Variants in IZUMO2 observed in about 807,000 individuals in gnomAD.
The protein encoded by IZUMO2 is izumo sperm-egg fusion protein 2.
A neutral mutation model predicts 31.2 loss-of-function variants in IZUMO2; 24 were observed. The ratio of observed to expected loss-of-function variants is 0.77; its 90% CI spans 0.56 to 1.08. The LOEUF (loss-of-function observed/expected upper bound fraction) is 1.08. Ranked by LOEUF, IZUMO2 falls within the 50% of genes least tolerant of loss-of-function variation. The pLI is 0.00. For missense variants in IZUMO2, 278 were observed against 274.0 expected, an observed-to-expected ratio of 1.01 and a Z score of -0.10; for synonymous variants, 144 against 117.3, an observed-to-expected ratio of 1.23 and a Z score of -1.47.
In IZUMO2 at chr19:50,154,610, T is replaced by A. The variant is rs2030150610; in HGVS notation, c.613A>T (p.Ile205Phe). ...GCAAGGATGACTCACGAGACCACGATGACCACGAAGACAAAGACAGCCAGA... is the reference window on the plus strand; with the variant it reads ...GCAAGGATGACTCACGAGACCACGAAGACCACGAAGACAAAGACAGCCAGA... ...VSLAVFVFVV[I>F]VVSACTYRQN... The change falls in exon 6 of 7, where the codon ATC (isoleucine) becomes TTC (phenylalanine). Residue 205 changes from isoleucine (I) to phenylalanine (F), a missense_variant. Coordinates refer to ENST00000293405, the MANE Select transcript of IZUMO2 (RefSeq NM_152358.3). 1 of 1,613,810 alleles carries A rather than the reference T, an allele frequency of 6.2e-7. No homozygotes were observed. Among genetic ancestry groups the A allele is most frequent in the Non-Finnish European group, 8.5e-7 (1 of 1,179,958 alleles).
intron 2 of IZUMO2, among the ~76,000 whole-genome samples, chr19:50,160,950 T>C (rs962835038): frequency 2.6e-4 from 40 of 152,182 alleles, no homozygotes; most frequent in African/African-American, 8.7e-4. Context: ...AGATATCCAA[T>C]TGGATGTCTA....
At chr19:50,152,725 C>CCCTCCCCATAACTTT (rs768015928) in intron 6 of IZUMO2, 74 bp from the exon 7 acceptor site, 1 of 1,252,850 alleles carries the variant, frequency 8.0e-7, no homozygotes, top group Non-Finnish European at 1.2e-6. Flanking sequence ...CCCATAACTT[C>CCCTCCCCATAACTTT]CCTCCCCATA....
At chr19:50,162,198 G>A (rs987531046) in intron 2 of IZUMO2, among the ~76,000 whole-genome samples, 3 of 152,124 alleles carry the variant, frequency 2.0e-5, no homozygotes, top group Non-Finnish European at 4.4e-5. Context: ...CAGGAAAATC[G>A]CTTGAACCCG....
intron 1 of IZUMO2, 63 bp from the exon 2 acceptor site, chr19:50,162,876 C>G: frequency 6.2e-7 from 1 of 1,604,192 alleles, no homozygotes. Context: ...ACCTCACCCC[C>G]TCCAGGCCTG....
In IZUMO2 at chr19:50,159,598, T is replaced by G; in HGVS notation, c.308-18A>C. 1 of 1,574,224 alleles carries G rather than the reference T, an allele frequency of 6.4e-7. No individual in the cohort carries two copies. The highest frequency in any genetic ancestry group is 1.1e-5 in the South Asian group (1 of 90,196). ...AGGCTCATCTGAGGAGAGAAAGAGA[T>G]CTCTGTGGGGTGGGAGGCACCCAGA... On this transcript the variant is annotated intron_variant, in intron 2 of 6. Coordinates refer to ENST00000293405, the MANE Select transcript of IZUMO2 (RefSeq NM_152358.3).
Position 50,163,149 on chromosome 19 carries a change from G to A in IZUMO2, c.46C>T (p.Pro16Ser), listed in dbSNP as rs1371389350. The A allele has an allele frequency of 6.3e-7, 1 of 1,574,896 alleles. No individual in the cohort carries two copies. The highest frequency in any genetic ancestry group is 1.2e-5 in the South Asian group (1 of 86,926). Residue 16 changes from proline to serine, a missense_variant, in exon 1 of 7, where the codon CCC becomes TCC. Physicochemically the swap from Pro to Ser is moderately conservative, Grantham distance 74 (BLOSUM62 -1). Coordinates refer to ENST00000293405, the MANE Select transcript of IZUMO2 (RefSeq NM_152358.3). ...CACTGCAGGCAGCCCCAGCCTCCGGGGGCGCCCAAGCCCGAGAGCAGCAGA... is the reference window on the plus strand; with the variant it reads ...CACTGCAGGCAGCCCCAGCCTCCGGAGGCGCCCAAGCCCGAGAGCAGCAGA... ...TLLLLSGLGAPGGWGCLQCDP... is the reference protein window; with the variant it reads ...TLLLLSGLGASGGWGCLQCDP...
chr19:50,156,883 GA>G (rs1481572180), intron 5 of IZUMO2, among the ~76,000 whole-genome samples: 1 of 152,170 alleles, frequency 6.6e-6, no homozygotes, highest in Non-Finnish European at 1.5e-5. Flanking sequence ...AATCAACTGT[GA>G]AAAATATTCT....
intron 2 of IZUMO2, among the ~76,000 whole-genome samples, chr19:50,159,806 C>T (rs139974691): frequency 4.1e-4 from 63 of 152,296 alleles, no homozygotes; most frequent in African/African-American, 1.5e-3. Context: ...CTTGGCCTCA[C>T]TTTCCTCATC....
At chr19:50,161,315 T>G (rs2030393403) in intron 2 of IZUMO2, among the ~76,000 whole-genome samples, 1 of 151,810 alleles carries the variant, frequency 6.6e-6, no homozygotes, top group Non-Finnish European at 1.5e-5. Context: ...AGAGACAGGG[T>G]TTCTCCATGT....
intron 2 of IZUMO2, among the ~76,000 whole-genome samples, chr19:50,161,275 A>G (rs2123063668): frequency 6.6e-6 from 1 of 151,806 alleles, no homozygotes; most frequent in African/African-American, 2.4e-5. Flanking sequence ...CAGGAGTGCC[A>G]CCATAGCTGG....
chr19:50,163,088 C>G lies in IZUMO2; in HGVS notation c.107G>C (p.Arg36Pro), dbSNP rs531170180. 4 of 1,612,734 alleles carry G rather than the reference C, an allele frequency of 2.5e-6. No homozygotes were observed. The highest frequency in any genetic ancestry group is 3.4e-6 in the Non-Finnish European group (4 of 1,179,384). The change falls in exon 1 of 7, where the codon CGC becomes CCC. Residue 36 changes from arginine to proline, a missense_variant. Physicochemically the swap from Arg to Pro is moderately radical, Grantham distance 103. Coordinates refer to ENST00000293405, the MANE Select transcript of IZUMO2 (RefSeq NM_152358.3). ...GAAGCGACTGGGGATGAGGGCGGAG[C>G]GCAGGTGACCCAGGGCCTCCAGCAC... ...PLVLEALGHL[R>P]SALIPSRFQL...
rs201333374 is a variant in IZUMO2 at position 50,154,707 on chromosome 19, C to T, written c.516G>A (p.Val172=). 72 of 1,613,960 alleles carry T rather than the reference C, an allele frequency of 4.5e-5. No homozygotes were observed. The Admixed American group carries it at 7.7e-4, about 17-fold the overall frequency. Reference sequence around the variant, plus strand: ...TGCTGTCCATCTGGTACTGCAGGGCCACGCGGGGTTGCCGGTCGACTGGGG... The same window carrying T: ...TGCTGTCCATCTGGTACTGCAGGGCTACGCGGGGTTGCCGGTCGACTGGGG... ...KYCFVDRQPR[V]ALQYQMDSKY... is the part of the protein sequence containing the mutation. The change falls in exon 6 of 7, where the codon GTG becomes GTA. Residue 172 remains valine (V), a synonymous_variant. Coordinates refer to ENST00000293405, the MANE Select transcript of IZUMO2 (RefSeq NM_152358.3).
In IZUMO2 at chr19:50,154,626, G is replaced by C. The variant is rs776480137; in HGVS notation, c.597C>G (p.Val199=). 2 of 1,613,926 alleles carry C rather than the reference G, an allele frequency of 1.2e-6. No homozygotes were observed. Among genetic ancestry groups the C allele is most frequent in the African/African-American group, 2.7e-5 (2 of 74,898 alleles). The part of the protein sequence containing the change: ...LGILISVSLA[V]FVFVVIVVSA... ...AGACCACGATGACCACGAAGACAAA[G>C]ACAGCCAGAGACACAGAAATGAGGA... The change falls in exon 6 of 7, where the codon GTC becomes GTG. Residue 199 remains valine, a synonymous_variant. Coordinates refer to ENST00000293405, the MANE Select transcript of IZUMO2 (RefSeq NM_152358.3).
rs768429202 is a variant in IZUMO2 at position 50,154,625 on chromosome 19, A to T, written c.598T>A (p.Phe200Ile). The stretch of plus-strand genomic sequence containing the variant: ...GAGACCACGATGACCACGAAGACAA[A>T]GACAGCCAGAGACACAGAAATGAGG... ...GILISVSLAV[F>I]VFVVIVVSAC... Residue 200 changes from phenylalanine to isoleucine, a missense_variant, in exon 6 of 7, where the codon TTT (phenylalanine) becomes ATT (isoleucine). Coordinates refer to ENST00000293405, the MANE Select transcript of IZUMO2 (RefSeq NM_152358.3). 1 of 1,613,968 alleles carries T rather than the reference A, an allele frequency of 6.2e-7. No homozygotes were observed. The highest frequency in any genetic ancestry group is 2.2e-5 in the East Asian group (1 of 44,862).
At chr19:50,160,651 T>C (rs1239197136) in intron 2 of IZUMO2, 2 of 152,094 alleles carry the variant, frequency 1.3e-5, no homozygotes, top group African/African-American at 4.8e-5. Context: ...GGCTAATTTT[T>C]GTATTTTTAG....
At chr19:50,157,910 T>TCAAAAAAAAA (rs1262838532) in intron 5 of IZUMO2, among the ~76,000 whole-genome samples, 1 of 110,824 alleles carries the variant, frequency 9.0e-6, no homozygotes, top group African/African-American at 3.1e-5. Flanking sequence ...AGAATCCATA[T>TCAAAAAAAAA]AAAAAAAAAA....
At chr19:50,159,155 A>C in intron 4 of IZUMO2, 75 bp downstream of exon 4, 1 of 1,459,430 alleles carries the variant, frequency 6.9e-7, no homozygotes, top group East Asian at 2.3e-5. Context: ...AGTGGTAGCC[A>C]GGCTTGATTT....
intron 5 of IZUMO2, among the ~76,000 whole-genome samples, chr19:50,156,184 C>G (rs958324217): frequency 1.3e-5 from 2 of 152,186 alleles, no homozygotes; most frequent in African/African-American, 4.8e-5. Flanking sequence ...CAGTGGTTCT[C>G]AATCTGGGAT....
At chr19:50,162,365 T>C (rs974951577) in intron 2 of IZUMO2, among the ~76,000 whole-genome samples, 2 of 152,160 alleles carry the variant, frequency 1.3e-5, no homozygotes, top group African/African-American at 4.8e-5. Context: ...CCCAGCACTT[T>C]GGGAGGCTGA....
Sources: allele counts gnomAD v4.1 joint callset (sites outside exome capture counted in the v4.1 genomes callset), GRCh38; gene constraint gnomAD v4.1.1; transcripts MANE v1.5; gene names NCBI Gene and HGNC (gene_info 2026-07-23, HGNC 2026-07-21).